Variants in ANK1 observed in about 807,000 individuals in gnomAD.
ANK1 encodes ankyrin-1.
ANK1 carries 51 observed loss-of-function variants against 210.4 expected under a neutral mutation model. The ratio of observed to expected loss-of-function variants is 0.24; its 90% CI spans 0.19 to 0.31. ANK1 has a LOEUF of 0.31. Ranked by LOEUF, ANK1 falls within the 10% of genes least tolerant of loss-of-function variation. ANK1 has a pLI of 1.00. For missense variants in ANK1, 2,051 were observed against 2,504.4 expected, an observed-to-expected ratio of 0.82 and a Z score of 3.86; for synonymous variants, 967 against 1,025.9, an observed-to-expected ratio of 0.94 and a Z score of 1.10.
At chr8:41,707,551 G>A (rs1489539622) in intron 17 of ANK1, among the ~76,000 whole-genome samples, 2 of 152,226 alleles carry the variant, frequency 1.3e-5, no homozygotes, top group Non-Finnish European at 2.9e-5. Flanking sequence ...CGGTTGAGGA[G>A]TGACTGTGTC....
chr8:41,805,126 C>G (rs1850740117), intron 1 of ANK1, among the ~76,000 whole-genome samples: 1 of 150,870 alleles, frequency 6.6e-6, no homozygotes, highest in African/African-American at 2.4e-5. Context: ...AGCTCTTTCT[C>G]TCTTTCTTTC....
At chr8:41,857,068 A>G (rs542763884) in intron 1 of ANK1, among the ~76,000 whole-genome samples, 3 of 151,704 alleles carry the variant, frequency 2.0e-5, no homozygotes, top group Non-Finnish European at 2.9e-5. Flanking sequence ...CAGTAGAGAC[A>G]GGGTTTCACC....
Position 41,857,216 on chromosome 8 carries a change from A to T in ANK1, c.126+39139T>A, listed in dbSNP as rs191800535. 2.9e-3 allele frequency among the ~76,000 whole-genome samples: 430 copies of T among 150,294 alleles called. 3 individuals are homozygous for T. The highest frequency in any genetic ancestry group is 0.01 in the African/African-American group (422 of 40,896). On this transcript the variant is annotated intron_variant, in intron 1 of 42. Coordinates refer to the ANK1 transcript ENST00000265709. ...TTTTTCTCCCCTTTCCATTCATGAG[A>T]ACTGAAGAAATTCTCTACTCTAAAG...
At chr8:41,749,264 A>AAATG (rs2150698432) in intron 2 of ANK1, among the ~76,000 whole-genome samples, 2 of 151,776 alleles carry the variant, frequency 1.3e-5, no homozygotes, top group East Asian at 3.9e-4. Flanking sequence ...TTTGCAGAAT[A>AAATG]AATGAATGAG....
At chr8:41,766,365 G>A (rs576869911) in intron 1 of ANK1, among the ~76,000 whole-genome samples, 32 of 152,342 alleles carry the variant, frequency 2.1e-4, no homozygotes, top group African/African-American at 7.0e-4. Flanking sequence ...GGGCCCTAGT[G>A]AGTGTGTGTT....
chr8:41,859,535 T>C (rs1812874118), intron 1 of ANK1, among the ~76,000 whole-genome samples: 1 of 152,072 alleles, frequency 6.6e-6, no homozygotes, highest in Middle Eastern at 3.2e-3. Context: ...TTAGTAGAGA[T>C]GGGGTTTTGC....
At chr8:41,853,182 C>T (rs923702613) in intron 1 of ANK1, among the ~76,000 whole-genome samples, 1 of 152,186 alleles carries the variant, frequency 6.6e-6, no homozygotes, top group African/African-American at 2.4e-5. Flanking sequence ...TCCAGGAACA[C>T]AACTATTGTC....
At chr8:41,727,710 T>A (rs1758097629) in intron 4 of ANK1, among the ~76,000 whole-genome samples, 198 bp downstream of exon 4, 1 of 152,190 alleles carries the variant, frequency 6.6e-6, no homozygotes, top group African/African-American at 2.4e-5. Context: ...CCGTCATGCT[T>A]AGGACACGCG....
In ANK1 at chr8:41,672,712, C is replaced by G; in HGVS notation, c.4738G>C (p.Ala1580Pro). Residue 1580 changes from alanine (A) to proline (P), a missense_variant, in exon 38 of 43, where the codon GCT (alanine) becomes CCT (proline). Around this residue, in one of 6 missense-constraint regions of ANK1, gnomAD observed 496 missense variants for 533.4 expected, o/e 0.93. Coordinates refer to ENST00000289734, the MANE Select transcript of ANK1 (RefSeq NM_000037.4). ...CTACACTCCAGAGAGGAGTCCTCAG[C>G]AGTGACCAGAGAAGGCGTGAGGCCC... ...SAGLTPSLVT[A>P]EDSSLECSKA... The G allele has an allele frequency of 6.2e-7, 1 of 1,611,054 alleles. No individual in the cohort carries two copies. Among genetic ancestry groups the G allele is most frequent in the South Asian group, 1.1e-5 (1 of 90,924 alleles).
chr8:41,885,024 G>C (rs1818219507), intron 1 of ANK1, among the ~76,000 whole-genome samples: 1 of 152,000 alleles, frequency 6.6e-6, no homozygotes, highest in South Asian at 2.1e-4. Context: ...GCAACGGAAG[G>C]GTTTTCGGAA....
intron 1 of ANK1, chr8:41,803,567 C>G (rs1215716827): frequency 6.6e-6 from 1 of 151,514 alleles, no homozygotes; most frequent in Non-Finnish European, 1.5e-5. Context: ...TTTTCTTGCT[C>G]TATTACATTG....
At chr8:41,744,094 T>C (rs1835464531) in intron 2 of ANK1, among the ~76,000 whole-genome samples, 1 of 152,182 alleles carries the variant, frequency 6.6e-6, no homozygotes. Context: ...AGAAGCCAAC[T>C]GATGGGAAGG....
chr8:41,673,047 T>G, intron 37 of ANK1, 135 bp from the exon 38 acceptor site: 2 of 983,594 alleles, frequency 2.0e-6, no homozygotes, highest in Non-Finnish European at 3.0e-6. Context: ...CGGGGTGGGT[T>G]GGGGGCTTTC....
chr8:41,759,679 G>A (rs1326623117), intron 1 of ANK1, among the ~76,000 whole-genome samples: 1 of 152,216 alleles, frequency 6.6e-6, no homozygotes, highest in African/African-American at 2.4e-5. Context: ...TGAGGTACTT[G>A]AGGATCTGTG....
At chr8:41,849,646 G>T (rs974114268) in intron 1 of ANK1, among the ~76,000 whole-genome samples, 1 of 152,140 alleles carries the variant, frequency 6.6e-6, no homozygotes. Flanking sequence ...TCCCACCGCC[G>T]CGCAGGGAAG....
Position 41,655,345 on chromosome 8 carries a change from C to A in ANK1, c.*445G>T. The A allele has an allele frequency of 6.0e-6, 1 of 167,676 alleles. No homozygotes were observed. The highest frequency in any genetic ancestry group is 1.2e-5 in the Non-Finnish European group (1 of 82,410). The allele number at this position is 167,676 out of a possible 1,614,324, so 10.4% of individuals were successfully genotyped here. A position where few individuals can be genotyped will look rare whatever the true frequency, so the allele number is the denominator to read the frequency against. ...CTTTCCAGGAAGCCCACATGGATTT[C>A]TGACAGATGAGGTTGGGAAAAAGTA... On this transcript the variant is annotated 3_prime_UTR_variant, in exon 43 of 43. Coordinates refer to ENST00000289734, the MANE Select transcript of ANK1 (RefSeq NM_000037.4).
At chr8:41,784,238 C>G (rs1356931385) in intron 1 of ANK1, among the ~76,000 whole-genome samples, 1 of 152,100 alleles carries the variant, frequency 6.6e-6, no homozygotes. Flanking sequence ...TTCTCTACCC[C>G]ACTCTCTCAC....
chr8:41,668,343 G>T lies in ANK1; in HGVS notation c.5318C>A (p.Ala1773Asp), dbSNP rs772756792. The T allele has an allele frequency of 4.3e-6, 7 of 1,614,072 alleles. No homozygotes were observed. The African/African-American group carries it at 8.0e-5, about 18-fold the overall frequency. The change falls in exon 39 of 43, where the codon GCC becomes GAC. Residue 1773 changes from alanine to aspartate, a missense_variant. Around this residue, in one of 6 missense-constraint regions of ANK1, gnomAD observed 496 missense variants for 533.4 expected, o/e 0.93. Transcript: ENST00000289734. ...TEQPEAESSQ[A>D]DRDRRQQGQE... is the part of the protein sequence containing the mutation. ...GCCTTGCTGCCTCCGGTCCCTGTCG[G>T]CCTGGGAGCTCTCAGCCTCGGGCTG...
At chr8:41,761,129 A>G (rs1353802301) in intron 1 of ANK1, among the ~76,000 whole-genome samples, 1 of 150,478 alleles carries the variant, frequency 6.6e-6, no homozygotes, top group Non-Finnish European at 1.5e-5. Flanking sequence ...ACATGCACAC[A>G]CACACACACA....
Sources: gnomAD v4.1 joint callset for allele counts (sites outside exome capture counted in the v4.1 genomes callset) on GRCh38, gnomAD v4.1.1 for gene constraint, gnomAD v4.1.1 regional missense constraint, MANE v1.5 for transcripts, NCBI Gene and HGNC (gene_info 2026-07-23, HGNC 2026-07-21) for gene names.